AFF2: variants seen among roughly 807,000 people sequenced by gnomAD.
AFF2 encodes ALF transcription elongation factor 2.
Under a neutral mutation model 76.9 loss-of-function variants are expected in AFF2, and 14 were observed. That is an observed-to-expected ratio of 0.18 (90% confidence interval 0.12 to 0.28). The LOEUF is 0.28. AFF2 is among the 10% of genes least tolerant of loss of function. The probability of loss-of-function intolerance (pLI) is 1.00; values close to 1 mark genes in which losing one functional copy is unlikely to be tolerated. For missense variants in AFF2, 868 were observed against 1,001.1 expected (o/e 0.87, Z 1.79); for synonymous variants, 398 against 366.7 (o/e 1.09, Z -0.98).
chrX:148,626,398 T>G (rs2053927494), intron 1 of AFF2, among the ~76,000 whole-genome samples: 1 of 110,460 alleles, frequency 9.1e-6, no homozygotes, highest in South Asian at 3.9e-4. Context: ...CAAGGTGCTG[T>G]GTTCTATTGG....
chrX:148,533,543 C>A (rs187221221), intron 1 of AFF2, among the ~76,000 whole-genome samples: 1 of 111,460 alleles, frequency 9.0e-6, no homozygotes, highest in South Asian at 3.8e-4. Context: ...CCGCCTGCAT[C>A]GGCCTCCCAA....
intron 3 of AFF2, among the ~76,000 whole-genome samples, chrX:148,739,058 T>G (rs1270387406): frequency 8.9e-6 from 1 of 111,882 alleles, no homozygotes; most frequent in Non-Finnish European, 1.9e-5. Context: ...ATCTTGAAAC[T>G]TCCATGCACT....
chrX:148,626,817 C>T (rs1380838167), intron 1 of AFF2, among the ~76,000 whole-genome samples: 1 of 111,537 alleles, frequency 9.0e-6, no homozygotes, highest in Non-Finnish European at 1.9e-5. Context: ...ATGATTTCAT[C>T]TTGAGATTCT....
intron 19 of AFF2, among the ~76,000 whole-genome samples, chrX:148,986,311 A>G (rs781803106): frequency 1.8e-5 from 2 of 112,036 alleles, no homozygotes; most frequent in Non-Finnish European, 3.8e-5. Flanking sequence ...CTGGAGGAGG[A>G]GAGAGAACCA....
rs1557257101 is a variant in AFF2 at position 148,656,407 on chromosome X, CTCATTTAGTCCTTATAACAATGTGTGTGT to C, written c.180+4297_180+4325del. 2.7e-5 allele frequency among the ~76,000 whole-genome samples: 3 copies of C among 110,965 alleles called. No homozygotes were observed. The Admixed American group carries it at 2.9e-4, about 11-fold the overall frequency. On this transcript the variant is annotated intron_variant, in intron 2 of 20. Transcript: ENST00000370460. ...ACTGTGCTAGAGTTTTATGTGTATG[CTCATTTAGTCCTTATAACAATGTGTGTGT>C]TCATTTAGTCCTTATAACAACTGGG...
At chrX:148,848,997 G>C (rs1490294773) in intron 7 of AFF2, among the ~76,000 whole-genome samples, 1 of 111,608 alleles carries the variant, frequency 9.0e-6, no homozygotes, top group African/African-American at 3.3e-5. Context: ...AGTTTGAAAT[G>C]AATCAGCGTG....
Position 148,575,186 on chromosome X carries a change from T to C in AFF2, c.47+74042T>C, listed in dbSNP as rs189724258. Among the ~76,000 whole-genome samples the C allele has an allele frequency of 5.4e-5, 6 of 111,509 alleles. No homozygotes were observed. The Admixed American group carries it at 5.7e-4, about 11-fold the overall frequency. On this transcript the variant is annotated intron_variant, in intron 1 of 20. Transcript: ENST00000370460. ...GCTTTCCTTCTGTAATTAGCTTTCTTACAATTTGAGTGGTAATTGGTTGAT... is the reference window on the plus strand; with the variant it reads ...GCTTTCCTTCTGTAATTAGCTTTCTCACAATTTGAGTGGTAATTGGTTGAT...
At chrX:148,829,043 G>A (rs1281460891) in intron 4 of AFF2, among the ~76,000 whole-genome samples, 1 of 112,329 alleles carries the variant, frequency 8.9e-6, no homozygotes, top group African/African-American at 3.2e-5. Flanking sequence ...TGGATCCGAA[G>A]GAGAATATTT....
rs1036551142 is a variant in AFF2 at position 148,837,674 on chromosome X, C to T, written c.1114C>T (p.Leu372Phe). Residue 372 changes from leucine (L) to phenylalanine (F), a missense_variant, in exon 5 of 21, where the codon CTC (leucine) becomes TTC (phenylalanine). By Grantham distance (22) the Leu-to-Phe change is conservative (BLOSUM62 0). Transcript: ENST00000370460. ...GATGACCCATTCCTGGCCTACTCCT[C>T]TCACTTCCATGCATACTGCTGGACA... Reference protein sequence around the residue: ...REMTHSWPTPLTSMHTAGHSE... With the variant: ...REMTHSWPTPFTSMHTAGHSE... The T allele has an allele frequency of 8.3e-7, 1 of 1,200,036 alleles. No homozygotes were observed. The highest frequency in any genetic ancestry group is 1.1e-6 in the Non-Finnish European group (1 of 884,992).
At chrX:148,751,055 C>G (rs1243122053) in intron 3 of AFF2, among the ~76,000 whole-genome samples, 2 of 111,762 alleles carry the variant, frequency 1.8e-5, no homozygotes, top group Non-Finnish European at 3.8e-5. Context: ...CTGAGTATAA[C>G]AATTTATACT....
rs144032044 is a variant in AFF2 at position 148,529,363 on chromosome X, A to G, written c.47+28219A>G. On this transcript the variant is annotated intron_variant, in intron 1 of 20. Transcript: ENST00000370460. The stretch of plus-strand genomic sequence containing the variant: ...TTATCATTAAAGGAACACTGAGAGC[A>G]TCTATCAGGCACCTTTTTTGTTCCT... Among the ~76,000 whole-genome samples, 295 of 112,030 alleles carry G rather than the reference A, an allele frequency of 2.6e-3. 1 individual carries two copies. Among genetic ancestry groups the G allele is most frequent in the Non-Finnish European group, 4.5e-3 (237 of 53,226 alleles).
intron 9 of AFF2, among the ~76,000 whole-genome samples, chrX:148,913,079 G>C (rs1557282153): frequency 8.9e-6 from 1 of 112,880 alleles, no homozygotes; most frequent in African/African-American, 3.2e-5. Flanking sequence ...GGATGCAACA[G>C]GTTCCAGCAA....
intron 4 of AFF2, among the ~76,000 whole-genome samples, chrX:148,834,100 G>T (rs781902069): frequency 8.9e-6 from 1 of 111,854 alleles, no homozygotes; most frequent in African/African-American, 3.3e-5. Flanking sequence ...GATTTTGTGG[G>T]GTTTGACTTT....
rs782309664 is a variant in AFF2, at chrX:148,708,676, C to T, written c.1041+45908C>T. Among the ~76,000 whole-genome samples, 8 of 111,791 alleles carry T rather than the reference C, an allele frequency of 7.2e-5. No homozygotes were observed. The South Asian group carries it at 1.9e-3, about 26-fold the overall frequency. Reference sequence around the variant, plus strand: ...TTGCAGTGAGCCAAGATCGCGCCACCGCACTCCAGCCTGGGTGATAGAGTG... The same window carrying T: ...TTGCAGTGAGCCAAGATCGCGCCACTGCACTCCAGCCTGGGTGATAGAGTG... On this transcript the variant is annotated intron_variant, in intron 3 of 20. Transcript: ENST00000370460.
At chrX:148,764,631 G>A (rs1219187523) in intron 3 of AFF2, among the ~76,000 whole-genome samples, 1 of 112,053 alleles carries the variant, frequency 8.9e-6, no homozygotes, top group East Asian at 2.8e-4. Context: ...ATTCATTTCT[G>A]TCTGCAAAGT....
At chrX:148,704,066 A>G (rs964760788) in intron 3 of AFF2, among the ~76,000 whole-genome samples, 11 of 102,786 alleles carry the variant, frequency 1.1e-4, no homozygotes, top group Non-Finnish European at 2.0e-4. Context: ...CTGCTAATAT[A>G]TATATTATAA....
At chrX:148,752,766 G>A (rs1015934911) in intron 3 of AFF2, among the ~76,000 whole-genome samples, 1 of 111,884 alleles carries the variant, frequency 8.9e-6, no homozygotes, top group East Asian at 2.8e-4. Context: ...AAGAAAAATA[G>A]TATGTTACTT....
intron 9 of AFF2, among the ~76,000 whole-genome samples, chrX:148,924,121 A>T (rs1340939343): frequency 8.9e-6 from 1 of 112,234 alleles, no homozygotes; most frequent in East Asian, 2.8e-4. Context: ...ATAAAAAGTG[A>T]ATTGAATGTC....
intron 9 of AFF2, among the ~76,000 whole-genome samples, chrX:148,949,979 A>C (rs1252907649): frequency 8.9e-6 from 1 of 112,704 alleles, no homozygotes; most frequent in Non-Finnish European, 1.9e-5. Context: ...GTACATCTGG[A>C]AAATAAATTA....
Sources: allele counts gnomAD v4.1 joint callset (sites outside exome capture counted in the v4.1 genomes callset), GRCh38; gene constraint gnomAD v4.1.1; transcripts MANE v1.5; gene names NCBI Gene and HGNC (gene_info 2026-07-23, HGNC 2026-07-21).